RSU1: variants seen among roughly 807,000 people sequenced by gnomAD.
The protein encoded by RSU1 is rsu-1.
In RSU1, 26 loss-of-function variants were observed where a neutral mutation model predicts 31.1. The observed-to-expected ratio is 0.84, with a 90% CI of 0.61 to 1.16. RSU1 has a LOEUF of 1.16. RSU1 is among the 50% of genes most tolerant of loss of function. RSU1 has a pLI of 0.00. For missense variants in RSU1, 320 were observed against 339.1 expected, an observed-to-expected ratio of 0.94 and a Z score of 0.44; for synonymous variants, 164 against 136.3, an observed-to-expected ratio of 1.20 and a Z score of -1.41.
intron 2 of RSU1, among the ~76,000 whole-genome samples, chr10:16,804,588 G>A (rs1188382595): frequency 6.6e-6 from 1 of 152,182 alleles, no homozygotes; most frequent in Non-Finnish European, 1.5e-5. Context: ...TAGGTGAATG[G>A]ATAACCAAAC....
chr10:16,622,168 C>T (rs1036876672), intron 8 of RSU1, among the ~76,000 whole-genome samples: 1 of 152,118 alleles, frequency 6.6e-6, no homozygotes, highest in African/African-American at 2.4e-5. Flanking sequence ...AAAATACCTC[C>T]CCTGAAAAAG....
intron 4 of RSU1, among the ~76,000 whole-genome samples, chr10:16,760,825 C>T (rs1296759263): frequency 2.6e-5 from 4 of 152,164 alleles, no homozygotes; most frequent in Admixed American, 2.6e-4. Context: ...CTCTAGTTTA[C>T]CTCCCTCCAC....
chr10:16,737,631 T>C (rs1228432072), intron 7 of RSU1, among the ~76,000 whole-genome samples: 1 of 152,022 alleles, frequency 6.6e-6, no homozygotes, highest in Non-Finnish European at 1.5e-5. Flanking sequence ...AGGCAAATGA[T>C]ACCAGATGGA....
chr10:16,729,736 T>C (rs1436276790), intron 7 of RSU1, among the ~76,000 whole-genome samples: 1 of 152,184 alleles, frequency 6.6e-6, no homozygotes, highest in Non-Finnish European at 1.5e-5. Flanking sequence ...TGTCAAAGAT[T>C]GTTTGCAAAA....
chr10:16,725,029 G>C (rs1413197420), intron 7 of RSU1, among the ~76,000 whole-genome samples: 1 of 152,226 alleles, frequency 6.6e-6, no homozygotes, highest in Non-Finnish European at 1.5e-5. Context: ...CCTGCCTAAT[G>C]ACTGAAAGGA....
intron 8 of RSU1, among the ~76,000 whole-genome samples, chr10:16,634,069 C>A (rs1482283950): frequency 1.3e-5 from 2 of 152,220 alleles, no homozygotes; most frequent in Admixed American, 6.5e-5. Flanking sequence ...CCAAGTGAAC[C>A]ATGACTCCTC....
intron 7 of RSU1, among the ~76,000 whole-genome samples, chr10:16,720,868 C>T (rs1350461978): frequency 6.6e-6 from 1 of 152,106 alleles, no homozygotes; most frequent in East Asian, 1.9e-4. Flanking sequence ...CTCCTGTGGG[C>T]CCAACTGCTT....
At chr10:16,722,064 T>A (rs60796382) in intron 7 of RSU1, among the ~76,000 whole-genome samples, 3 of 152,048 alleles carry the variant, frequency 2.0e-5, no homozygotes, top group Non-Finnish European at 2.9e-5. Flanking sequence ...CCAAAAATAG[T>A]TGAGTCCAGT....
intron 8 of RSU1, among the ~76,000 whole-genome samples, chr10:16,657,273 G>A (rs893991986): frequency 2.0e-5 from 3 of 152,152 alleles, no homozygotes; most frequent in African/African-American, 7.2e-5. Context: ...GTAACTCCTA[G>A]TACTTCCTTT....
At chr10:16,799,834 C>T (rs1003787361) in intron 2 of RSU1, among the ~76,000 whole-genome samples, 1 of 152,052 alleles carries the variant, frequency 6.6e-6, no homozygotes, top group Non-Finnish European at 1.5e-5. Flanking sequence ...ATTTGGTAGC[C>T]GGGGGCGGGG....
intron 7 of RSU1, among the ~76,000 whole-genome samples, chr10:16,704,105 G>A (rs1422235708): frequency 3.9e-5 from 6 of 152,038 alleles, no homozygotes; most frequent in Admixed American, 1.3e-4. Context: ...TTTAACATTA[G>A]AACTTTAAAA....
chr10:16,753,999 G>C (rs1467726092), intron 5 of RSU1, among the ~76,000 whole-genome samples: 1 of 152,082 alleles, frequency 6.6e-6, no homozygotes, highest in African/African-American at 2.4e-5. Flanking sequence ...AGCCTCAAGT[G>C]ATCTTTGTAG....
At chr10:16,689,956 G>A (rs1378053000) in intron 8 of RSU1, among the ~76,000 whole-genome samples, 1 of 152,228 alleles carries the variant, frequency 6.6e-6, no homozygotes, top group Non-Finnish European at 1.5e-5. Context: ...TTCAAGGGAA[G>A]CATTTCCAGC....
chr10:16,773,876 C>G (rs1048994453), intron 3 of RSU1, among the ~76,000 whole-genome samples: 3 of 149,816 alleles, frequency 2.0e-5, no homozygotes, highest in African/African-American at 7.4e-5. Flanking sequence ...GTAGGAACAT[C>G]AGTTTTTTTA....
At chr10:16,773,753 T>C (rs767886142) in intron 3 of RSU1, among the ~76,000 whole-genome samples, 6 of 152,168 alleles carry the variant, frequency 3.9e-5, no homozygotes, top group Non-Finnish European at 7.3e-5. Context: ...GTGGGGTGCC[T>C]TGTATTTCTT....
chr10:16,654,786 T>TA (rs972355196), intron 8 of RSU1, among the ~76,000 whole-genome samples: 12 of 151,760 alleles, frequency 7.9e-5, no homozygotes, highest in African/African-American at 2.9e-4. Flanking sequence ...GGGCCCAGCA[T>TA]AGTGGCTCAT....
intron 4 of RSU1, among the ~76,000 whole-genome samples, chr10:16,755,794 C>T (rs186507174): frequency 1.3e-5 from 2 of 152,272 alleles, no homozygotes; most frequent in Non-Finnish European, 1.5e-5. Flanking sequence ...TTCCCTGTTT[C>T]GATGAGGTTT....
At chr10:16,689,297 G>C (rs907915002) in intron 8 of RSU1, among the ~76,000 whole-genome samples, 25 of 152,178 alleles carry the variant, frequency 1.6e-4, no homozygotes, top group Admixed American at 1.6e-3. Flanking sequence ...GTTTTTCTTA[G>C]AGATAATTTC....
chr10:16,640,356 C>G (rs1001193269), intron 8 of RSU1, among the ~76,000 whole-genome samples: 5 of 152,196 alleles, frequency 3.3e-5, no homozygotes, highest in East Asian at 1.9e-4. Context: ...CTTCATCATC[C>G]CCCTGGTCTG....
Sources: gnomAD v4.1 joint callset for allele counts (sites outside exome capture counted in the v4.1 genomes callset) on GRCh38, gnomAD v4.1.1 for gene constraint, MANE v1.5 for transcripts, NCBI Gene and HGNC (gene_info 2026-07-23, HGNC 2026-07-21) for gene names.